Variants in GID4 observed in about 807,000 individuals in gnomAD.
GID4 encodes the protein GID complex subunit 4 homolog.
In GID4, 7 loss-of-function variants were observed where a neutral mutation model predicts 32.4. The observed-to-expected ratio is 0.22, with a 90% CI of 0.12 to 0.41. The LOEUF (loss-of-function observed/expected upper bound fraction) is 0.41. GID4 is among the 10% of genes least tolerant of loss of function. GID4 has a pLI of 1.00. For synonymous variants in GID4, 166 were observed against 170.0 expected, an observed-to-expected ratio of 0.98 and a Z score of 0.18; for missense variants, 309 against 400.0, an observed-to-expected ratio of 0.77 and a Z score of 1.94.
chr17:18,058,833 T>C (rs1245875952), intron 3 of GID4, 35 bp from the exon 4 acceptor site: 17 of 1,314,706 alleles, frequency 1.3e-5, no homozygotes, highest in Non-Finnish European at 1.7e-5. Context: ...TCTCCTTCTC[T>C]CAGTCAATCG....
rs71155312 is a variant in GID4, at chr17:18,053,009, CTTTTTT to C, written c.499-1100_499-1095del. Among the ~76,000 whole-genome samples, 54 of 83,278 alleles carry C rather than the reference CTTTTTT, an allele frequency of 6.5e-4. 1 individual carries two copies. The highest frequency in any genetic ancestry group is 9.5e-4 in the Non-Finnish European group (45 of 47,428). 54.6% of individuals were successfully genotyped at this position (83,278 alleles called of 152,430 possible). A position where few individuals can be genotyped will look rare whatever the true frequency, so the allele number is the denominator to read the frequency against. ...TGTAGAACACTGAAAAAAGTATTTA[CTTTTTT>C]TTTTTTTTTTTTTTTTTGAGACAGA... On this transcript the variant is annotated intron_variant, in intron 2 of 5. Transcript: ENST00000268719.
rs780983555 is a variant in GID4, at chr17:18,039,665, G to A, written c.201G>A (p.Ala67=). 63 of 1,365,442 alleles carry A rather than the reference G, an allele frequency of 4.6e-5. 2 individuals carry two copies. The South Asian group carries it at 8.9e-4, about 19-fold the overall frequency. 84.6% of individuals were successfully genotyped at this position (1,365,442 alleles called of 1,614,324 possible). Reference sequence around the variant, plus strand: ...CCCTCCTCGGCTCCCGCGCGGCGGCGGCGGTTCCTCTCCCACTCCCCCCAG... The same window carrying A: ...CCCTCCTCGGCTCCCGCGCGGCGGCAGCGGTTCCTCTCCCACTCCCCCCAG... ...PATLLGSRAA[A]AVPLPLPPAL... is the part of the protein sequence containing the mutation. Residue 67 remains alanine, a synonymous_variant, in exon 1 of 6, where the codon GCG becomes GCA. Transcript: ENST00000268719. The surrounding 1 kb of genome is among the most constrained non-coding windows in gnomAD (Gnocchi z 5.3).
chr17:18,044,558 G>A (rs1280924411), intron 1 of GID4, among the ~76,000 whole-genome samples: 2 of 152,162 alleles, frequency 1.3e-5, no homozygotes, highest in African/African-American at 2.4e-5. Flanking sequence ...CAGACTTTTG[G>A]TTGGCATTTT....
intron 1 of GID4, among the ~76,000 whole-genome samples, chr17:18,041,217 C>T (rs969197490): frequency 2.6e-5 from 4 of 152,160 alleles, no homozygotes; most frequent in African/African-American, 7.2e-5. Context: ...CCCCACCCCC[C>T]GGGGTGTGAG....
intron 1 of GID4, among the ~76,000 whole-genome samples, chr17:18,040,268 C>T (rs772264496): frequency 5.9e-5 from 9 of 152,216 alleles, no homozygotes; most frequent in Non-Finnish European, 8.8e-5. Context: ...CAGCCCTTTT[C>T]AGACCCTGAA....
intron 2 of GID4, among the ~76,000 whole-genome samples, chr17:18,052,819 A>G (rs1010555050): frequency 2.0e-5 from 3 of 152,126 alleles, no homozygotes; most frequent in African/African-American, 7.2e-5. Context: ...CATGATTTAC[A>G]TATGTTTTTC....
intron 1 of GID4, among the ~76,000 whole-genome samples, chr17:18,040,158 C>T: frequency 6.6e-6 from 1 of 152,174 alleles, no homozygotes; most frequent in Non-Finnish European, 1.5e-5. Context: ...ACTTGAAGCC[C>T]GTGACCGGCC....
intron 4 of GID4, among the ~76,000 whole-genome samples, chr17:18,060,493 G>A (rs1009308496): frequency 1.3e-5 from 2 of 151,554 alleles, no homozygotes; most frequent in Non-Finnish European, 2.9e-5. Context: ...GTATGCTCAC[G>A]AGCTTGCCAT....
At chr17:18,057,836 T>C (rs1235017269) in intron 3 of GID4, among the ~76,000 whole-genome samples, 1 of 152,048 alleles carries the variant, frequency 6.6e-6, no homozygotes, top group East Asian at 1.9e-4. Flanking sequence ...TGATGATGTA[T>C]AGATTTTTTT....
chr17:18,056,634 T>G, intron 3 of GID4: 1 of 1,477,822 alleles, frequency 6.8e-7, no homozygotes, highest in Non-Finnish European at 9.1e-7. Context: ...ACACTCAGTT[T>G]TAGGCTAGGT....
chr17:18,060,301 G>A (rs1199561216), intron 4 of GID4, among the ~76,000 whole-genome samples: 1 of 150,606 alleles, frequency 6.6e-6, no homozygotes, highest in African/African-American at 2.4e-5. Context: ...GGGAGGCTGA[G>A]GCAGGAGAAT....
chr17:18,046,840 T>C (rs1345986849), intron 2 of GID4, among the ~76,000 whole-genome samples: 1 of 150,838 alleles, frequency 6.6e-6, no homozygotes, highest in African/African-American at 2.4e-5. Context: ...GAGGATCGCT[T>C]GAACCCGGGA....
intron 3 of GID4, among the ~76,000 whole-genome samples, 168 bp downstream of exon 3, chr17:18,054,402 G>A (rs1298220106): frequency 2.6e-5 from 4 of 152,234 alleles, no homozygotes; most frequent in Non-Finnish European, 2.9e-5. Flanking sequence ...TATGAGGACA[G>A]TTTAAATACG....
chr17:18,039,478 G>A lies in GID4; in HGVS notation c.14G>A (p.Gly5Glu), dbSNP rs2044760279. The A allele has an allele frequency of 7.5e-7, 1 of 1,336,606 alleles. No individual in the cohort carries two copies. Among genetic ancestry groups the A allele is most frequent in the East Asian group, 3.0e-5 (1 of 33,458 alleles). 82.8% of individuals were successfully genotyped at this position (1,336,606 alleles called of 1,614,324 possible). ...CTGTGTGTGTGTATGTGTGCGCGAGGGCAAGTCGGGAGGGGGACCCAGCTC... is the reference window on the plus strand; with the variant it reads ...CTGTGTGTGTGTATGTGTGCGCGAGAGCAAGTCGGGAGGGGGACCCAGCTC... Reference protein sequence around the residue: MCARGQVGRGTQLRT... With the variant: MCAREQVGRGTQLRT... Residue 5 changes from glycine to glutamate, a missense_variant, in exon 1 of 6, where the codon GGG becomes GAG. By Grantham distance (98) the Gly-to-Glu change is moderately conservative (BLOSUM62 -2). Coordinates refer to ENST00000268719, the MANE Select transcript of GID4 (RefSeq NM_024052.5). The surrounding 1 kb of genome is among the most constrained non-coding windows in gnomAD (Gnocchi z 5.3).
At position 18,058,894 on chromosome 17, in the gene GID4, T is replaced by C. The variant is rs775253059; in HGVS notation, c.633T>C (p.Tyr211=). The change falls in exon 4 of 6, where the codon TAT becomes TAC. Residue 211 remains tyrosine, a synonymous_variant. Coordinates refer to ENST00000268719, the MANE Select transcript of GID4 (RefSeq NM_024052.5). ...GCAAGTTTCTGGCTTTTTATCAGTA[T>C]GCAAAATCATTTAACTCAGATGACT... is the stretch of plus-strand genomic sequence containing the variant. ...HWGKFLAFYQ[Y]AKSFNSDDFD... is the part of the protein sequence containing the mutation. 1 of 1,612,594 alleles carries C rather than the reference T, an allele frequency of 6.2e-7. No homozygotes were observed. The highest frequency in any genetic ancestry group is 8.5e-7 in the Non-Finnish European group (1 of 1,178,692).
At chr17:18,047,952 G>A (rs920123993) in intron 2 of GID4, among the ~76,000 whole-genome samples, 1 of 151,572 alleles carries the variant, frequency 6.6e-6, no homozygotes, top group Non-Finnish European at 1.5e-5. Flanking sequence ...CCAGGCTGGA[G>A]TGCAGTGGTG....
rs1398659409 is a variant in GID4 at position 18,067,155 on chromosome 17, GGCTGT to G, written c.*1918_*1922del. On this transcript the variant is annotated 3_prime_UTR_variant, in exon 6 of 6. Coordinates refer to ENST00000268719, the MANE Select transcript of GID4 (RefSeq NM_024052.5). ...GATGGACAAGTGAAGGAGGCCATGG[GGCTGT>G]GCTGTCCTTCCTGCCGTACGTGCCA... is the stretch of plus-strand genomic sequence containing the variant. The G allele has an allele frequency of 4.6e-5, 7 of 152,496 alleles. No homozygotes were observed. The South Asian group carries it at 1.5e-3, about 32-fold the overall frequency. 9.4% of individuals were successfully genotyped at this position (152,496 alleles called of 1,614,324 possible). A position where few individuals can be genotyped will look rare whatever the true frequency, so the allele number is the denominator to read the frequency against.
At position 18,061,730 on chromosome 17, in the gene GID4, A is replaced by C; in HGVS notation, c.709-115A>C. On this transcript the variant is annotated intron_variant, in intron 4 of 5. Coordinates refer to ENST00000268719, the MANE Select transcript of GID4 (RefSeq NM_024052.5). This position sits in a 1 kb window ranked among gnomAD's most constrained non-coding sequence, Gnocchi z 4.4. ...TCACCCAGCAAGTCTAGGTTAGACT[A>C]TGAGATCCTATATTTTTCTCGAGTG... 11 of 980,138 alleles carry C rather than the reference A, an allele frequency of 1.1e-5. No individual in the cohort carries two copies. Among genetic ancestry groups the C allele is most frequent in the Non-Finnish European group, 1.6e-5 (10 of 634,346 alleles). The allele number at this position is 980,138 out of a possible 1,614,324, so 60.7% of individuals were successfully genotyped here. A position where few individuals can be genotyped will look rare whatever the true frequency, so the allele number is the denominator to read the frequency against.
intron 1 of GID4, among the ~76,000 whole-genome samples, chr17:18,042,492 T>A (rs891293256): frequency 2.6e-5 from 4 of 152,246 alleles, no homozygotes; most frequent in Admixed American, 1.3e-4. Flanking sequence ...TATTCCTTTT[T>A]ATTTTGCATT....
Sources: allele counts gnomAD v4.1 joint callset (sites outside exome capture counted in the v4.1 genomes callset), GRCh38; gene constraint gnomAD v4.1.1; non-coding constraint Gnocchi (gnomAD v3.1); transcripts MANE v1.5; gene names NCBI Gene and HGNC (gene_info 2026-07-23, HGNC 2026-07-21).